FSTL4: variants seen among roughly 807,000 people sequenced by gnomAD.
FSTL4 encodes follistatin-related protein 4.
FSTL4 carries 28 observed loss-of-function variants against 78.2 expected under a neutral mutation model. That is an observed-to-expected ratio of 0.36 (90% CI 0.27 to 0.49). The LOEUF is 0.49. Among genes scored for constraint, FSTL4 ranks in the 20% least tolerant of loss-of-function variants. The probability of loss-of-function intolerance (pLI) is 0.98; values close to 1 mark genes in which losing one functional copy is unlikely to be tolerated. For missense variants in FSTL4, 922 were observed against 1,084.9 expected, an observed-to-expected ratio of 0.85 and a Z score of 2.11; for synonymous variants, 422 against 440.5, an observed-to-expected ratio of 0.96 and a Z score of 0.53.
At chr5:133,295,891 C>G (rs568464739) in intron 6 of FSTL4, among the ~76,000 whole-genome samples, 11 of 152,326 alleles carry the variant, frequency 7.2e-5, no homozygotes, top group African/African-American at 2.4e-4. Context: ...CTTCTCTTCT[C>G]TATCCACATT....
chr5:133,366,651 A>T (rs1755187485), intron 4 of FSTL4, among the ~76,000 whole-genome samples: 11 of 151,902 alleles, frequency 7.2e-5, no homozygotes, highest in Admixed American at 7.2e-4. Flanking sequence ...TGACTCAAGC[A>T]CACCCTCTGG....
chr5:133,629,976 A>G, the FSTL4 span, among the ~76,000 whole-genome samples: 8,411 of 113,430 alleles, frequency 0.074, 93 homozygotes, highest in Middle Eastern at 0.19. Flanking sequence ...TCAATAAGCT[A>G]GGTATTGATG....
chr5:133,742,423 G>A, the FSTL4 span, among the ~76,000 whole-genome samples: 52 of 152,356 alleles, frequency 3.4e-4, no homozygotes, highest in Middle Eastern at 3.4e-3. Flanking sequence ...CAAATTAAAA[G>A]GGAGGTGATA....
the FSTL4 span, among the ~76,000 whole-genome samples, chr5:133,819,162 G>A: frequency 6.6e-6 from 1 of 151,268 alleles, no homozygotes; most frequent in African/African-American, 2.4e-5. Flanking sequence ...GAGAGAGACT[G>A]CACAAGGTTC....
chr5:133,802,870 T>C, the FSTL4 span, among the ~76,000 whole-genome samples: 1 of 152,126 alleles, frequency 6.6e-6, no homozygotes, highest in Admixed American at 6.5e-5. Context: ...CCAAACACAG[T>C]AACTGGTATA....
At chr5:133,372,072 C>A (rs1449167236) in intron 4 of FSTL4, among the ~76,000 whole-genome samples, 3 of 152,194 alleles carry the variant, frequency 2.0e-5, no homozygotes, top group Non-Finnish European at 4.4e-5. Flanking sequence ...CACCCACAGG[C>A]CGAACATGTG....
intron 6 of FSTL4, among the ~76,000 whole-genome samples, chr5:133,268,280 T>A (rs1300538231): frequency 6.6e-6 from 1 of 152,166 alleles, no homozygotes; most frequent in Non-Finnish European, 1.5e-5. Flanking sequence ...AGGTCATCAG[T>A]TTACAGCACA....
the FSTL4 span, among the ~76,000 whole-genome samples, chr5:133,648,293 T>C: frequency 5.3e-5 from 8 of 152,206 alleles, no homozygotes; most frequent in Non-Finnish European, 8.8e-5. Context: ...TAGAGCTAAA[T>C]AGTGCCAGAG....
chr5:133,326,004 G>A (rs1277128752), intron 4 of FSTL4, among the ~76,000 whole-genome samples: 1 of 152,244 alleles, frequency 6.6e-6, no homozygotes. Flanking sequence ...CAGTGCGGCT[G>A]CGTTACAGGG....
intron 4 of FSTL4, among the ~76,000 whole-genome samples, chr5:133,339,860 GC>G (rs1212803983): frequency 6.6e-6 from 1 of 152,232 alleles, no homozygotes; most frequent in African/African-American, 2.4e-5. Flanking sequence ...TGAGAGCTCT[GC>G]CCCTGGCTAG....
chr5:133,332,929 C>T (rs1320259504), intron 4 of FSTL4, among the ~76,000 whole-genome samples: 1 of 152,222 alleles, frequency 6.6e-6, no homozygotes, highest in East Asian at 1.9e-4. Flanking sequence ...AGGCTCATGG[C>T]ACCCAGTATA....
the FSTL4 span, among the ~76,000 whole-genome samples, chr5:133,652,759 C>A: frequency 6.6e-6 from 1 of 152,104 alleles, no homozygotes; most frequent in Non-Finnish European, 1.5e-5. Context: ...AAATCAGAAA[C>A]AAGGACCACA....
At chr5:133,425,766 T>C (rs1056364381) in intron 3 of FSTL4, among the ~76,000 whole-genome samples, 2 of 152,212 alleles carry the variant, frequency 1.3e-5, no homozygotes, top group East Asian at 3.8e-4. Context: ...CAGCAGAGAA[T>C]AAGGGAGATA....
At chr5:133,458,523 T>C (rs752167225) in intron 3 of FSTL4, among the ~76,000 whole-genome samples, 9 of 152,214 alleles carry the variant, frequency 5.9e-5, no homozygotes, top group African/African-American at 9.6e-5. Flanking sequence ...ATCCCATGTA[T>C]TTCATGAGGA....
intron 6 of FSTL4, among the ~76,000 whole-genome samples, chr5:133,269,075 G>A (rs1441025237): frequency 1.3e-5 from 2 of 151,830 alleles, no homozygotes; most frequent in East Asian, 1.9e-4. Flanking sequence ...CCAGCTACTC[G>A]GGAGGCTGAG....
At chr5:133,842,038 C>A in the FSTL4 span, among the ~76,000 whole-genome samples, 1 of 152,218 alleles carries the variant, frequency 6.6e-6, no homozygotes, top group Non-Finnish European at 1.5e-5. Flanking sequence ...CATCTTCCAC[C>A]TTCCTTCCCT....
chr5:133,780,527 G>C, the FSTL4 span, among the ~76,000 whole-genome samples: 1 of 152,126 alleles, frequency 6.6e-6, no homozygotes, highest in Non-Finnish European at 1.5e-5. Context: ...GGACTGGAAG[G>C]GTGGGGACCT....
chr5:133,725,479 T>C, the FSTL4 span, among the ~76,000 whole-genome samples: 1 of 152,344 alleles, frequency 6.6e-6, no homozygotes, highest in South Asian at 2.1e-4. Flanking sequence ...GAGGAATGTC[T>C]TTCAGATACA....
intron 3 of FSTL4, among the ~76,000 whole-genome samples, chr5:133,482,283 C>T (rs1007057713): frequency 1.3e-5 from 2 of 152,228 alleles, no homozygotes; most frequent in African/African-American, 4.8e-5. Context: ...AGAGCCAGAT[C>T]TGAGCATTGC....
Sources: gnomAD v4.1 joint callset for allele counts (sites outside exome capture counted in the v4.1 genomes callset) on GRCh38, gnomAD v4.1.1 for gene constraint, MANE v1.5 for transcripts, NCBI Gene and HGNC (gene_info 2026-07-23, HGNC 2026-07-21) for gene names.